SP110: variants seen among roughly 807,000 people sequenced by gnomAD.
SP110 encodes the protein SP110 nuclear body protein.
A neutral mutation model predicts 92.7 loss-of-function variants in SP110; 62 were observed. The observed-to-expected ratio is 0.67, with a 90% confidence interval of 0.55 to 0.83. SP110 has a LOEUF of 0.83. Ranked by LOEUF, SP110 falls within the 40% of genes least tolerant of loss-of-function variation. The pLI is 0.00. For synonymous variants in SP110, 273 were observed against 305.3 expected (o/e 0.89, Z 1.10); for missense variants, 793 against 863.9 (o/e 0.92, Z 1.03).
At position 230,172,487 on chromosome 2, in the gene SP110, TGCAGGGACCTCAG is replaced by T. The variant is rs2078473041; in HGVS notation, c.1707-326_1707-314del. The T allele has an allele frequency of 5.6e-6, 3 of 538,124 alleles. No homozygotes were observed. In the South Asian group the frequency reaches 6.2e-5, roughly 11 times the overall value. The allele number at this position is 538,124 out of a possible 1,614,324, so 33.3% of individuals were successfully genotyped here. A position where few individuals can be genotyped will look rare whatever the true frequency, so the allele number is the denominator to read the frequency against. On this transcript the variant is annotated intron_variant, in intron 15 of 18. Coordinates refer to ENST00000258381, the MANE Select transcript of SP110 (RefSeq NM_080424.4). ...GAGTGTCAGAATCTGGGCTTTCACC[TGCAGGGACCTCAG>T]GCCTCCATCAGCCAGGTGAGACTAT...
chr2:230,175,945 C>CATTTTTTTTTTTTTT (rs2041838076), intron 14 of SP110, among the ~76,000 whole-genome samples: 1 of 130,746 alleles, frequency 7.6e-6, no homozygotes, highest in Non-Finnish European at 1.6e-5. Context: ...CTGCAGCATT[C>CATTTTTTTTTTTTTT]TTTTTTTTTT....
chr2:230,218,605 G>A (rs1167465572), intron 1 of SP110, among the ~76,000 whole-genome samples: 1 of 152,156 alleles, frequency 6.6e-6, no homozygotes, highest in East Asian at 1.9e-4. Flanking sequence ...CTCAGAACAG[G>A]AAGTCTAGAG....
rs775203550 is a variant in SP110, at chr2:230,211,500, T to C, written c.721A>G (p.Met241Val). ...QIRDKEDPQE[M>V]PHSPLGSMPE... ...ATAGAGCCCAAGGGAGAGTGGGGCA[T>C]CTCTTGAGGGTCTTCTTTATCTCTT... The change falls in exon 6 of 19, where the codon ATG (methionine) becomes GTG (valine). Residue 241 changes from methionine to valine, a missense_variant. Physicochemically the swap from Met to Val is conservative, Grantham distance 21. Coordinates refer to ENST00000258381, the MANE Select transcript of SP110 (RefSeq NM_080424.4). This position sits in a 1 kb window ranked among gnomAD's most constrained non-coding sequence, Gnocchi z 4.2. 28 of 1,610,884 alleles carry C rather than the reference T, an allele frequency of 1.7e-5. No individual in the cohort carries two copies. The highest frequency in any genetic ancestry group is 1.7e-5 in the Admixed American group (1 of 59,986).
At chr2:230,172,525 T>C (rs896008559) in intron 15 of SP110, 8 of 523,952 alleles carry the variant, frequency 1.5e-5, no homozygotes, top group African/African-American at 9.5e-5. Context: ...GGTGAGACTA[T>C]GGTGAAATGT....
At chr2:230,191,188 AGAAAGATCTCAAAT>A (rs2042615949) in intron 10 of SP110, among the ~76,000 whole-genome samples, 1 of 152,164 alleles carries the variant, frequency 6.6e-6, no homozygotes, top group Admixed American at 6.5e-5. Context: ...TCAGGAAGCT[AGAAAGATCTCAAAT>A]GGACACCCTA....
chr2:230,181,345 A>G (rs1028553678), intron 12 of SP110, among the ~76,000 whole-genome samples: 1 of 152,246 alleles, frequency 6.6e-6, no homozygotes, highest in African/African-American at 2.4e-5. Flanking sequence ...GGAGCTGGAC[A>G]TACAGCAACA....
intron 9 of SP110, among the ~76,000 whole-genome samples, chr2:230,201,831 T>C (rs2148856203): frequency 6.6e-6 from 1 of 152,372 alleles, no homozygotes. Flanking sequence ...TTGATATGGT[T>C]TCAAATTTTA....
intron 14 of SP110, chr2:230,173,458 C>A: frequency 2.8e-5 from 5 of 180,242 alleles, no homozygotes; most frequent in South Asian, 1.2e-4. Context: ...ATGCTATGAC[C>A]CAGTAAATAA....
At chr2:230,209,658 C>T (rs750582098) in intron 7 of SP110, among the ~76,000 whole-genome samples, 1 of 152,182 alleles carries the variant, frequency 6.6e-6, no homozygotes. Flanking sequence ...GTGCAATTAA[C>T]ACTCTAAGAA....
At chr2:230,215,918 G>A (rs2045113235) in intron 2 of SP110, among the ~76,000 whole-genome samples, 1 of 152,312 alleles carries the variant, frequency 6.6e-6, no homozygotes, top group South Asian at 2.1e-4. Context: ...CCAAGGAGAT[G>A]TCTCTGAGGA....
At chr2:230,212,212 C>T in intron 5 of SP110, 135 bp downstream of exon 5, 1 of 718,780 alleles carries the variant, frequency 1.4e-6, no homozygotes, top group South Asian at 1.5e-5. Context: ...GTGAATTGGC[C>T]CCTTCTGTTT....
At chr2:230,214,445 T>C (rs893292855) in intron 3 of SP110, among the ~76,000 whole-genome samples, 1 of 152,244 alleles carries the variant, frequency 6.6e-6, no homozygotes, top group African/African-American at 2.4e-5. Context: ...TTGGGAAGAT[T>C]ACCTCTGGGC....
chr2:230,179,498 T>TGGGGGGGGGGGGGGGGGG (rs1560532592), intron 12 of SP110, among the ~76,000 whole-genome samples: 1 of 32,028 alleles, frequency 3.1e-5, no homozygotes, highest in African/African-American at 1.1e-4. Context: ...CAGGGAGGAG[T>TGGGGGGGGGGGGGGGGGG]GGGGGTGGGA....
intron 10 of SP110, among the ~76,000 whole-genome samples, chr2:230,191,980 C>T (rs945553097): frequency 2.6e-5 from 4 of 152,146 alleles, no homozygotes; most frequent in Non-Finnish European, 4.4e-5. Flanking sequence ...GTTGGTTCAA[C>T]ATACACAAAT....
chr2:230,181,497 T>C (rs923562313), intron 12 of SP110, among the ~76,000 whole-genome samples: 9 of 152,190 alleles, frequency 5.9e-5, no homozygotes, highest in Non-Finnish European at 8.8e-5. Flanking sequence ...GACCCACCCC[T>C]ACCTGCTGGG....
At chr2:230,186,854 G>T (rs10168052) in intron 10 of SP110, among the ~76,000 whole-genome samples, 116,616 of 152,132 alleles carry the variant, frequency 0.77, 44,799 homozygotes, top group Admixed American at 0.83. Context: ...TTATGGCTGA[G>T]TAATACACCA....
At chr2:230,204,751 G>A (rs367595759) in intron 8 of SP110, among the ~76,000 whole-genome samples, 1 of 152,098 alleles carries the variant, frequency 6.6e-6, no homozygotes, top group African/African-American at 2.4e-5. Context: ...AGAAATTATG[G>A]GACCAGCTTG....
chr2:230,168,917 A>ATTTT lies in SP110; in HGVS notation c.*203_*206dup, dbSNP rs1553839905. Reference sequence around the variant, plus strand: ...ATCTGATGGTATTAAGGAAGTATTAATTTTTTTTTTTTTTAGTGTAGATAT... The same window carrying ATTTT: ...ATCTGATGGTATTAAGGAAGTATTAATTTTTTTTTTTTTTTTTTAGTGTAGATAT... On this transcript the variant is annotated 3_prime_UTR_variant, in exon 19 of 19. Coordinates refer to ENST00000258381, the MANE Select transcript of SP110 (RefSeq NM_080424.4). 33 of 425,936 alleles carry ATTTT rather than the reference A, an allele frequency of 7.7e-5. No homozygotes were observed. The highest frequency in any genetic ancestry group is 1.4e-4 in the Admixed American group (4 of 27,980). The allele number at this position is 425,936 out of a possible 1,614,324, so 26.4% of individuals were successfully genotyped here.
rs775434863 is a variant in SP110, at chr2:230,183,621, A to C, written c.1299T>G (p.Asp433Glu). ...SRLKEKKKEK[D>E]ICSSSKRRFQ... Reference sequence around the variant, plus strand: ...ATCTCCTTTTTGAGCTTGAACAGATATCTTTCTCCTTTTTCTTTTCTAAAC... The same window carrying C: ...ATCTCCTTTTTGAGCTTGAACAGATCTCTTTCTCCTTTTTCTTTTCTAAAC... Residue 433 changes from aspartate (D) to glutamate (E), a missense_variant, in exon 12 of 19, where the codon GAT becomes GAG. Transcript: ENST00000258381. The C allele has an allele frequency of 2.5e-6, 4 of 1,590,148 alleles. No individual in the cohort carries two copies. The Admixed American group carries it at 5.0e-5, about 20-fold the overall frequency.
Sources: gnomAD v4.1 joint callset for allele counts (sites outside exome capture counted in the v4.1 genomes callset) on GRCh38, gnomAD v4.1.1 for gene constraint, Gnocchi (gnomAD v3.1) non-coding constraint, MANE v1.5 for transcripts, NCBI Gene and HGNC (gene_info 2026-07-23, HGNC 2026-07-21) for gene names.